AP1M1: variants seen among roughly 807,000 people sequenced by gnomAD.
AP1M1 encodes the protein AP-1 complex subunit mu-1.
AP1M1 carries 18 observed loss-of-function variants against 57.1 expected under a neutral mutation model. The observed-to-expected ratio is 0.32, with a 90% CI of 0.22 to 0.47. The LOEUF is 0.47. Ranked by LOEUF, AP1M1 falls within the 20% of genes least tolerant of loss-of-function variation. The pLI, the probability that AP1M1 is intolerant of heterozygous loss-of-function variation, is 1.00. For missense variants in AP1M1, 362 were observed against 593.5 expected, an observed-to-expected ratio of 0.61 and a Z score of 4.05; for synonymous variants, 241 against 237.9, an observed-to-expected ratio of 1.01 and a Z score of -0.12.
At chr19:16,200,772 C>T (rs568196831) in intron 1 of AP1M1, among the ~76,000 whole-genome samples, 2 of 152,242 alleles carry the variant, frequency 1.3e-5, no homozygotes, top group Non-Finnish European at 2.9e-5. Flanking sequence ...ACCACCTCCT[C>T]TTCAGTGCTC....
Position 16,240,821 on chromosome 19 carries a change from A to G in AP1M1, c.*6386A>G, listed in dbSNP as rs2091643071. ...CATGATACACAAACCTAAATTCGTA[A>G]CTAAAATAATCATAGTCGAACCACA... is the stretch of plus-strand genomic sequence containing the variant. On this transcript the variant is annotated 3_prime_UTR_variant, in exon 12 of 12. Transcript: ENST00000291439. 1.3e-5 allele frequency: 2 copies of G among 152,202 alleles called. No individual in the cohort carries two copies. Among genetic ancestry groups the G allele is most frequent in the Non-Finnish European group, 2.9e-5 (2 of 68,050 alleles). 9.4% of individuals were successfully genotyped at this position (152,202 alleles called of 1,614,324 possible). A position where few individuals can be genotyped will look rare whatever the true frequency, so the allele number is the denominator to read the frequency against.
Position 16,228,865 on chromosome 19 carries a change from G to T in AP1M1, c.984G>T (p.Thr328=). ...CCGACTCACCCAAGTTCAAGACGAC[G>T]GTGGGGAGCGTTAAGTGGGTCCCCG... ...NDADSPKFKT[T]VGSVKWVPEN... is the part of the protein sequence containing the mutation. Residue 328 remains threonine, a synonymous_variant, in exon 9 of 12, where the codon ACG becomes ACT. Transcript: ENST00000291439. The surrounding 1 kb of genome is among the most constrained non-coding windows in gnomAD (Gnocchi z 5.0). The T allele has an allele frequency of 6.2e-7, 1 of 1,614,190 alleles. No individual in the cohort carries two copies. Among genetic ancestry groups the T allele is most frequent in the East Asian group, 2.2e-5 (1 of 44,870 alleles).
chr19:16,222,202 A>ATTTTTTTT (rs1406563931), intron 5 of AP1M1, among the ~76,000 whole-genome samples: 1 of 57,620 alleles, frequency 1.7e-5, no homozygotes, highest in African/African-American at 4.5e-5. Flanking sequence ...TATTACTATT[A>ATTTTTTTT]TTATTATTAT....
chr19:16,221,979 C>T (rs2091546337), intron 5 of AP1M1, among the ~76,000 whole-genome samples: 1 of 152,166 alleles, frequency 6.6e-6, no homozygotes, highest in Non-Finnish European at 1.5e-5. Flanking sequence ...AGCCACCGCA[C>T]CCAGCCCTCA....
At chr19:16,205,517 G>A (rs897981396) in intron 2 of AP1M1, among the ~76,000 whole-genome samples, 2 of 152,136 alleles carry the variant, frequency 1.3e-5, no homozygotes, top group African/African-American at 2.4e-5. Flanking sequence ...GGGGTGAGGC[G>A]GGAAGGGAGA....
chr19:16,230,003 C>T (rs1233567074), intron 9 of AP1M1, among the ~76,000 whole-genome samples: 1 of 152,172 alleles, frequency 6.6e-6, no homozygotes, highest in East Asian at 1.9e-4. Flanking sequence ...CCTGCAATTC[C>T]ACTGTTGAAA....
chr19:16,219,053 G>A (rs894250957), intron 5 of AP1M1, among the ~76,000 whole-genome samples: 11 of 140,762 alleles, frequency 7.8e-5, no homozygotes, highest in Non-Finnish European at 1.7e-4. Context: ...TTTATTGCTA[G>A]TTTGCTAACA....
chr19:16,234,378 A>G (rs1244279506), intron 11 of AP1M1, 35 bp from the exon 12 acceptor site: 2 of 1,613,946 alleles, frequency 1.2e-6, no homozygotes, highest in East Asian at 4.5e-5. Context: ...GGGAGGGTGC[A>G]GAGCCCAGCA....
At position 16,219,405 on chromosome 19, in the gene AP1M1, T is replaced by G. The variant is rs546781209; in HGVS notation, c.547-7016T>G. 1.9e-3 allele frequency among the ~76,000 whole-genome samples: 295 copies of G among 151,678 alleles called. 1 individual carries two copies. Among genetic ancestry groups the G allele is most frequent in the African/African-American group, 6.9e-3 (286 of 41,424 alleles). ...ATTCATTTTTGTTTTTTTGTTTTTT[T>G]TTTTTTTTTGAGATGGAATTTCGCT... On this transcript the variant is annotated intron_variant, in intron 5 of 11. Transcript: ENST00000291439.
intron 1 of AP1M1, among the ~76,000 whole-genome samples, chr19:16,199,944 G>A (rs534663597): frequency 1.3e-5 from 2 of 152,286 alleles, no homozygotes; most frequent in East Asian, 1.9e-4. Context: ...GTGGTGTTAG[G>A]GGTGAGCTCA....
intron 5 of AP1M1, among the ~76,000 whole-genome samples, chr19:16,224,176 A>G (rs899230182): frequency 6.6e-6 from 1 of 152,236 alleles, no homozygotes; most frequent in African/African-American, 2.4e-5. Flanking sequence ...GGGACGGGAC[A>G]GTGGCCTCGC....
chr19:16,233,732 T>C (rs1245844607), intron 10 of AP1M1, 114 bp downstream of exon 10: 1 of 1,364,736 alleles, frequency 7.3e-7, no homozygotes. Context: ...AGGACCCTGC[T>C]GTGCTGTGGG....
chr19:16,213,184 T>A (rs929709616), intron 5 of AP1M1, among the ~76,000 whole-genome samples: 1 of 152,184 alleles, frequency 6.6e-6, no homozygotes, highest in Non-Finnish European at 1.5e-5. Flanking sequence ...ATACTGTCAG[T>A]GGGGTGTTGA....
rs2091644126 is a variant in AP1M1 at position 16,241,135 on chromosome 19, A to G, written c.*6700A>G. 6.6e-6 allele frequency: 1 copy of G among 152,010 alleles called. No homozygotes were observed. The highest frequency in any genetic ancestry group is 1.5e-5 in the Non-Finnish European group (1 of 68,030). The allele number at this position is 152,010 out of a possible 1,614,324, so 9.4% of individuals were successfully genotyped here. On this transcript the variant is annotated 3_prime_UTR_variant, in exon 12 of 12. Coordinates refer to ENST00000291439, the MANE Select transcript of AP1M1 (RefSeq NM_032493.4). ...TGAGACCAGCCGGACCAACAAGGAG[A>G]AACCCCATCTCTACTAGAAATACAA...
At chr19:16,225,632 A>G (rs2091567929) in intron 5 of AP1M1, among the ~76,000 whole-genome samples, 1 of 152,154 alleles carries the variant, frequency 6.6e-6, no homozygotes, top group African/African-American at 2.4e-5. Flanking sequence ...CCCTCAGGTC[A>G]TCTCCCCACA....
intron 5 of AP1M1, among the ~76,000 whole-genome samples, chr19:16,218,792 T>C (rs894908786): frequency 1.3e-5 from 2 of 152,160 alleles, no homozygotes; most frequent in African/African-American, 4.8e-5. Flanking sequence ...CAGAGCTTCC[T>C]TGCCCTCTCT....
intron 5 of AP1M1, among the ~76,000 whole-genome samples, chr19:16,222,202 A>AT (rs1406563931): frequency 6.3e-3 from 361 of 57,478 alleles, no homozygotes; most frequent in African/African-American, 0.016. Flanking sequence ...TATTACTATT[A>AT]TTATTATTAT....
Position 16,240,854 on chromosome 19 carries a change from T to C in AP1M1, c.*6419T>C, listed in dbSNP as rs1212122446. The C allele has an allele frequency of 2.0e-5, 3 of 152,078 alleles. No homozygotes were observed. Among genetic ancestry groups the C allele is most frequent in the Non-Finnish European group, 1.5e-5 (1 of 68,038 alleles). 9.4% of individuals were successfully genotyped at this position (152,078 alleles called of 1,614,324 possible). ...AATCATAGTCGAACCACAGAACATA[T>C]CAGACTCAGGGAAGATCCTAACAGC... On this transcript the variant is annotated 3_prime_UTR_variant, in exon 12 of 12. Transcript: ENST00000291439.
chr19:16,204,476 A>G (rs1029142005), intron 2 of AP1M1, among the ~76,000 whole-genome samples: 1 of 152,170 alleles, frequency 6.6e-6, no homozygotes, highest in African/African-American at 2.4e-5. Context: ...AGTGGGAACA[A>G]CGACCCCTCA....
Sources: allele counts gnomAD v4.1 joint callset (sites outside exome capture counted in the v4.1 genomes callset), GRCh38; gene constraint gnomAD v4.1.1; non-coding constraint Gnocchi (gnomAD v3.1); transcripts MANE v1.5; gene names NCBI Gene and HGNC (gene_info 2026-07-23, HGNC 2026-07-21).